SULF1: variants seen among roughly 807,000 people sequenced by gnomAD.
SULF1 encodes sulfatase 1.
A neutral mutation model predicts 110.5 loss-of-function variants in SULF1; 46 were observed. The observed-to-expected ratio is 0.42, with a 90% CI of 0.33 to 0.53. The LOEUF (loss-of-function observed/expected upper bound fraction) is 0.53. SULF1 is among the 20% of genes least tolerant of loss of function. SULF1 has a pLI of 0.12. For synonymous variants in SULF1, 371 were observed against 387.1 expected (o/e 0.96, Z 0.49); for missense variants, 941 against 1,094.2 (o/e 0.86, Z 1.98).
intron 22 of SULF1, among the ~76,000 whole-genome samples, chr8:69,656,805 T>C (rs1351632938): frequency 9.2e-5 from 14 of 152,226 alleles, no homozygotes; most frequent in African/African-American, 3.4e-4. Flanking sequence ...GTCTTTATAA[T>C]AGAATGATTT....
chr8:69,533,948 A>G (rs1813272877), intron 3 of SULF1, among the ~76,000 whole-genome samples: 2 of 152,242 alleles, frequency 1.3e-5, no homozygotes, highest in Admixed American at 6.5e-5. Flanking sequence ...CTAGAAAAAA[A>G]ATTTGCAATG....
In SULF1 at chr8:69,628,190, G is replaced by A. The variant is rs1429203063; in HGVS notation, c.2062G>A (p.Gly688Ser). ...CTGCAGCTATTACAATAAAGAGAAAGGTGTAAAAAAGCAAGAGAAATTAAA... is the reference window on the plus strand; with the variant it reads ...CTGCAGCTATTACAATAAAGAGAAAAGTGTAAAAAAGCAAGAGAAATTAAA... ...SKQSYYNKEK[G>S]VKKQEKLKSH... Residue 688 changes from glycine to serine, a missense_variant, in exon 18 of 23, where the codon GGT becomes AGT. By Grantham distance (56) the Gly-to-Ser change is moderately conservative (BLOSUM62 0). Around this residue, in one of 3 missense-constraint regions of SULF1, gnomAD observed 822 missense variants for 934.3 expected, o/e 0.88. Coordinates refer to ENST00000402687, the MANE Select transcript of SULF1 (RefSeq NM_001128205.2). The A allele has an allele frequency of 2.5e-6, 4 of 1,613,602 alleles. No homozygotes were observed. The African/African-American group carries it at 4.0e-5, about 16-fold the overall frequency.
chr8:69,491,061 A>G (rs567608965), upstream of SULF1, among the ~76,000 whole-genome samples: 7 of 152,278 alleles, frequency 4.6e-5, no homozygotes, highest in South Asian at 2.1e-4. Flanking sequence ...TAGAGGGGGG[A>G]AAATTCTTCT....
At chr8:69,573,122 C>T (rs969703632) in intron 5 of SULF1, among the ~76,000 whole-genome samples, 11 of 152,186 alleles carry the variant, frequency 7.2e-5, no homozygotes, top group African/African-American at 2.4e-4. Context: ...CCACTGAGCC[C>T]GGCCCGAGAT....
chr8:69,583,442 C>T (rs987845041), intron 6 of SULF1, among the ~76,000 whole-genome samples: 1 of 150,724 alleles, frequency 6.6e-6, no homozygotes. Context: ...GGTGTGGTGG[C>T]GTGTGCCTGT....
chr8:69,607,980 G>T (rs1320974726), intron 13 of SULF1, among the ~76,000 whole-genome samples: 1 of 152,150 alleles, frequency 6.6e-6, no homozygotes, highest in East Asian at 1.9e-4. Context: ...GGGAAAATCA[G>T]CATGACTAGC....
At chr8:69,591,263 T>C (rs560380325) in intron 8 of SULF1, among the ~76,000 whole-genome samples, 71 of 152,134 alleles carry the variant, frequency 4.7e-4, no homozygotes, top group Admixed American at 7.9e-4. Context: ...TTGAAAAACA[T>C]CTCTGTGCTG....
At chr8:69,537,098 T>C (rs1813475085) in intron 3 of SULF1, among the ~76,000 whole-genome samples, 1 of 152,202 alleles carries the variant, frequency 6.6e-6, no homozygotes, top group African/African-American at 2.4e-5. Flanking sequence ...AAACGTAAGC[T>C]TCTATCATTA....
chr8:69,500,825 G>A (rs1810746038), intron 2 of SULF1, among the ~76,000 whole-genome samples: 1 of 152,144 alleles, frequency 6.6e-6, no homozygotes, highest in African/African-American at 2.4e-5. Context: ...GCTGTTTGGA[G>A]TGGAAAGAGG....
At chr8:69,545,185 A>C (rs1388284622) in intron 3 of SULF1, among the ~76,000 whole-genome samples, 1 of 140,960 alleles carries the variant, frequency 7.1e-6, no homozygotes, top group Non-Finnish European at 1.5e-5. Flanking sequence ...TTGAGTTTGG[A>C]GTATAATGTC....
intron 6 of SULF1, among the ~76,000 whole-genome samples, chr8:69,579,841 A>G (rs946104683): frequency 6.6e-6 from 1 of 152,240 alleles, no homozygotes; most frequent in African/African-American, 2.4e-5. Context: ...GAGAAAGTCA[A>G]TGTGTAAAGA....
intron 9 of SULF1, among the ~76,000 whole-genome samples, chr8:69,600,987 AAAAATC>A (rs1807756303): frequency 6.6e-6 from 1 of 152,092 alleles, no homozygotes; most frequent in African/African-American, 2.4e-5. Context: ...AAGAGGAGAG[AAAAATC>A]AAATCAGCGT....
chr8:69,528,410 T>C (rs2150634071), intron 3 of SULF1, among the ~76,000 whole-genome samples: 1 of 152,286 alleles, frequency 6.6e-6, no homozygotes, highest in East Asian at 1.9e-4. Flanking sequence ...AGACGTGGAT[T>C]CCAATCTCTC....
At chr8:69,657,351 C>T (rs1228292951) in intron 22 of SULF1, among the ~76,000 whole-genome samples, 2 of 152,130 alleles carry the variant, frequency 1.3e-5, no homozygotes, top group South Asian at 2.1e-4. Flanking sequence ...CCTTTTCTGC[C>T]CTAAGCAATG....
chr8:69,605,867 C>T (rs1226553065), intron 13 of SULF1, among the ~76,000 whole-genome samples: 2 of 152,182 alleles, frequency 1.3e-5, no homozygotes, highest in Non-Finnish European at 2.9e-5. Flanking sequence ...TGGGCATTGG[C>T]ATCTCCATTT....
At chr8:69,534,078 A>G (rs1237661060) in intron 3 of SULF1, among the ~76,000 whole-genome samples, 3 of 152,222 alleles carry the variant, frequency 2.0e-5, no homozygotes, top group African/African-American at 7.2e-5. Flanking sequence ...ATGGTTTGGG[A>G]AAATATTTTG....
intron 22 of SULF1, among the ~76,000 whole-genome samples, chr8:69,649,426 A>G (rs925240042): frequency 7.9e-5 from 12 of 152,242 alleles, no homozygotes; most frequent in Admixed American, 4.6e-4. Context: ...GCAATTTAAC[A>G]TTGTTACAAA....
intron 3 of SULF1, among the ~76,000 whole-genome samples, chr8:69,510,126 G>A (rs1811455383): frequency 6.6e-6 from 1 of 152,132 alleles, no homozygotes. Context: ...TTTTGTGGAT[G>A]TCTGAAAATA....
chr8:69,536,106 G>A (rs769005282), intron 3 of SULF1, among the ~76,000 whole-genome samples: 6 of 151,758 alleles, frequency 4.0e-5, no homozygotes, highest in Non-Finnish European at 7.4e-5. Flanking sequence ...TAGAAACTTC[G>A]ATCAATTTAA....
Sources: gnomAD v4.1 joint callset for allele counts (sites outside exome capture counted in the v4.1 genomes callset) on GRCh38, gnomAD v4.1.1 for gene constraint, gnomAD v4.1.1 regional missense constraint, MANE v1.5 for transcripts, NCBI Gene and HGNC (gene_info 2026-07-23, HGNC 2026-07-21) for gene names.